B4GALT6: variants seen among roughly 807,000 people sequenced by gnomAD.
B4GALT6 encodes beta-1,4-galactosyltransferase 6.
Under a neutral mutation model 46.3 loss-of-function variants are expected in B4GALT6, and 14 were observed. The observed-to-expected ratio is 0.30, with a 90% CI of 0.20 to 0.47. The LOEUF is 0.47. Ranked by LOEUF, B4GALT6 falls within the 20% of genes least tolerant of loss-of-function variation. The pLI is 0.99. For missense variants in B4GALT6, 386 were observed against 480.1 expected, an observed-to-expected ratio of 0.80 and a Z score of 1.83; for synonymous variants, 168 against 162.0, an observed-to-expected ratio of 1.04 and a Z score of -0.28.
upstream of B4GALT6, among the ~76,000 whole-genome samples, chr18:31,689,747 A>C (rs2030048244): frequency 6.6e-6 from 1 of 152,086 alleles, no homozygotes; most frequent in African/African-American, 2.4e-5. Flanking sequence ...AAAAGAAAAA[A>C]AGAGGCCACC....
At chr18:31,671,477 T>C (rs576843781) in intron 1 of B4GALT6, among the ~76,000 whole-genome samples, 12 of 152,326 alleles carry the variant, frequency 7.9e-5, no homozygotes, top group African/African-American at 2.9e-4. Flanking sequence ...TGGTTTTGAT[T>C]TGCATTTCTC....
chr18:31,717,998 C>T, the B4GALT6 span, among the ~76,000 whole-genome samples: 2 of 149,516 alleles, frequency 1.3e-5, no homozygotes, highest in South Asian at 4.3e-4. Context: ...TGGGTATGCA[C>T]AGGAAAAGGG....
At chr18:31,702,216 T>C in the B4GALT6 span, among the ~76,000 whole-genome samples, 4 of 152,260 alleles carry the variant, frequency 2.6e-5, no homozygotes, top group African/African-American at 9.6e-5. Context: ...AGTGGCACAC[T>C]TGTCAGTACT....
Position 31,629,447 on chromosome 18 carries a change from A to ATTTTTTTTTTTTTTTTTTTT in B4GALT6, c.776+1492_776+1511dup, listed in dbSNP as rs869030382. 4.9e-4 allele frequency among the ~76,000 whole-genome samples: 16 copies of ATTTTTTTTTTTTTTTTTTTT among 32,882 alleles called. 5 individuals carry two copies. The highest frequency in any genetic ancestry group is 1.7e-3 in the Admixed American group (3 of 1,806). 21.6% of individuals were successfully genotyped at this position (32,882 alleles called of 152,430 possible). A position where few individuals can be genotyped will look rare whatever the true frequency, so the allele number is the denominator to read the frequency against. ...ATTCTTAGTTTATATGCCCTTTATG[A>ATTTTTTTTTTTTTTTTTTTT]TTTTTTTTTTTTTTTTTTTTTTTTT... is the stretch of plus-strand genomic sequence containing the variant. On this transcript the variant is annotated intron_variant, in intron 6 of 8. Transcript: ENST00000306851.
Position 31,627,016 on chromosome 18 carries a change from A to G in B4GALT6, c.882T>C (p.Asp294=). The stretch of plus-strand genomic sequence containing the variant: ...CAACATACCTGTTCCAAAGGTCATC[A>G]TCTTCTCCTCCCCATCCCCAGAAGG... ...PNAFWGWGGE[D]DDLWNRVHYA... The change falls in exon 7 of 9, where the codon GAT becomes GAC. Residue 294 remains aspartate, a synonymous_variant. Coordinates refer to ENST00000306851, the MANE Select transcript of B4GALT6 (RefSeq NM_004775.5). 1 of 1,610,754 alleles carries G rather than the reference A, an allele frequency of 6.2e-7. No homozygotes were observed. Among genetic ancestry groups the G allele is most frequent in the Non-Finnish European group, 8.5e-7 (1 of 1,178,900 alleles).
the B4GALT6 span, among the ~76,000 whole-genome samples, chr18:31,707,231 CTT>C: frequency 9.0e-3 from 1,263 of 140,002 alleles, 8 homozygotes; most frequent in East Asian, 0.033. Flanking sequence ...TCTTTTCTTT[CTT>C]TTTTTTTTTT....
chr18:31,657,266 T>C (rs901513500), intron 3 of B4GALT6, among the ~76,000 whole-genome samples: 4 of 151,988 alleles, frequency 2.6e-5, no homozygotes, highest in African/African-American at 4.8e-5. Context: ...ACCACCTAAA[T>C]GTTCATCAGT....
upstream of B4GALT6, among the ~76,000 whole-genome samples, chr18:31,690,320 A>G (rs760801143): frequency 1.1e-4 from 17 of 151,690 alleles, no homozygotes; most frequent in Non-Finnish European, 1.8e-4. Flanking sequence ...TAGTAGAGAC[A>G]GGTTTTCACC....
At chr18:31,662,345 T>C (rs1486543437) in intron 2 of B4GALT6, among the ~76,000 whole-genome samples, 1 of 152,188 alleles carries the variant, frequency 6.6e-6, no homozygotes, top group African/African-American at 2.4e-5. Context: ...ATTTGTGTCT[T>C]CCCAATGTAT....
At chr18:31,631,423 A>T (rs924271295) in intron 5 of B4GALT6, among the ~76,000 whole-genome samples, 3 of 152,092 alleles carry the variant, frequency 2.0e-5, no homozygotes, top group African/African-American at 7.2e-5. Context: ...AATTAGACCC[A>T]AATGAAATAG....
At chr18:31,652,252 C>G (rs1598896829) in intron 3 of B4GALT6, among the ~76,000 whole-genome samples, 1 of 152,302 alleles carries the variant, frequency 6.6e-6, no homozygotes, top group East Asian at 1.9e-4. Context: ...TCTCAAGAGT[C>G]TACTTTGCTT....
intron 1 of B4GALT6, among the ~76,000 whole-genome samples, chr18:31,678,424 G>A (rs933469075): frequency 3.3e-5 from 5 of 151,808 alleles, no homozygotes; most frequent in Non-Finnish European, 7.4e-5. Context: ...TTCATCGCTC[G>A]TCTATACAGT....
At chr18:31,693,366 T>A in the B4GALT6 span, among the ~76,000 whole-genome samples, 217 of 152,298 alleles carry the variant, frequency 1.4e-3, 1 homozygote, top group African/African-American at 4.9e-3. Context: ...AAAAGTCCTA[T>A]TAACAGAATG....
At chr18:31,629,460 T>TA (rs1249710114) in intron 6 of B4GALT6, among the ~76,000 whole-genome samples, 58 of 123,436 alleles carry the variant, frequency 4.7e-4, no homozygotes, top group African/African-American at 1.7e-3. Context: ...TTTTTTTTTT[T>TA]TTTTTTTTTT....
intron 3 of B4GALT6, among the ~76,000 whole-genome samples, chr18:31,649,310 A>G (rs1294341505): frequency 7.7e-6 from 1 of 129,656 alleles, no homozygotes; most frequent in Non-Finnish European, 1.7e-5. Context: ...CATTCTAAAC[A>G]TAAGACAGAG....
the B4GALT6 span, among the ~76,000 whole-genome samples, chr18:31,705,608 C>T: frequency 3.3e-5 from 5 of 152,328 alleles, no homozygotes; most frequent in African/African-American, 1.2e-4. Flanking sequence ...AGGCTGTTCT[C>T]GAACGCTGAC....
At chr18:31,684,833 T>C, upstream of B4GALT6, 2 of 925,592 alleles carry the variant, frequency 2.2e-6, no homozygotes, top group Non-Finnish European at 2.6e-6. Flanking sequence ...GAGGGGCAGC[T>C]AACTGCAGCA....
the B4GALT6 span, among the ~76,000 whole-genome samples, chr18:31,700,252 G>A: frequency 2.6e-5 from 4 of 152,002 alleles, no homozygotes; most frequent in Non-Finnish European, 5.9e-5. Flanking sequence ...TAGAATAGTA[G>A]AAGAAATATA....
At chr18:31,723,328 GTAATAAGATAGGTAAGAATGGC>G in the B4GALT6 span, among the ~76,000 whole-genome samples, 1 of 152,202 alleles carries the variant, frequency 6.6e-6, no homozygotes, top group Non-Finnish European at 1.5e-5. Flanking sequence ...CAGACAATCA[GTAATAAGATAGGTAAGAATGGC>G]TATGGGGGAA....
Sources: allele counts gnomAD v4.1 joint callset (sites outside exome capture counted in the v4.1 genomes callset), GRCh38; gene constraint gnomAD v4.1.1; transcripts MANE v1.5; gene names NCBI Gene and HGNC (gene_info 2026-07-23, HGNC 2026-07-21).